The following SLC10A7 variants were observed in gnomAD, a reference collection of about 807,000 sequenced individuals.
SLC10A7 encodes solute carrier family 10 member 7.
SLC10A7 carries 29 observed loss-of-function variants against 43.2 expected under a neutral mutation model. The ratio of observed to expected loss-of-function variants is 0.67; its 90% confidence interval spans 0.50 to 0.92. The LOEUF is 0.92. SLC10A7 is among the 40% of genes least tolerant of loss of function. The pLI is 0.00. For synonymous variants in SLC10A7, 152 were observed against 144.8 expected (o/e 1.05, Z -0.35); for missense variants, 295 against 403.2 (o/e 0.73, Z 2.30).
chr4:146,365,716 A>G (rs1736343102), intron 5 of SLC10A7, among the ~76,000 whole-genome samples: 1 of 152,234 alleles, frequency 6.6e-6, no homozygotes, highest in South Asian at 2.1e-4. Flanking sequence ...GCAATGTAGT[A>G]GGTACTCAAA....
intron 2 of SLC10A7, among the ~76,000 whole-genome samples, chr4:146,512,465 G>A (rs1182741910): frequency 2.0e-5 from 3 of 152,048 alleles, no homozygotes; most frequent in African/African-American, 4.8e-5. Flanking sequence ...TTATCTATTC[G>A]AGCAAAATCT....
At position 146,521,742 on chromosome 4, in the gene SLC10A7, T is replaced by G; in HGVS notation, c.-25A>C. The stretch of plus-strand genomic sequence containing the variant: ...TATTTGTTAGGGTGGGTGGGTTTTG[T>G]TTATTTGTTTGGCTTTTTTTCTTTT... On this transcript the variant is annotated 5_prime_UTR_variant, in exon 1 of 12. Transcript: ENST00000335472. 4 of 1,595,550 alleles carry G rather than the reference T, an allele frequency of 2.5e-6. No individual in the cohort carries two copies. Among genetic ancestry groups the G allele is most frequent in the Non-Finnish European group, 3.4e-6 (4 of 1,163,960 alleles).
At chr4:146,510,157 T>A in intron 2 of SLC10A7, 108 bp from the exon 3 acceptor site, 1 of 1,039,582 alleles carries the variant, frequency 9.6e-7, no homozygotes, top group South Asian at 2.2e-5. Flanking sequence ...TTGGGTTTTT[T>A]CATAGCTAAA....
At chr4:146,277,032 C>T (rs1450242195) in intron 10 of SLC10A7, among the ~76,000 whole-genome samples, 3 of 152,104 alleles carry the variant, frequency 2.0e-5, no homozygotes, top group Non-Finnish European at 2.9e-5. Context: ...GTAAAACCTT[C>T]TCGCTAAGCA....
intron 5 of SLC10A7, among the ~76,000 whole-genome samples, chr4:146,354,311 A>T (rs1389534839): frequency 6.6e-6 from 1 of 152,150 alleles, no homozygotes; most frequent in Non-Finnish European, 1.5e-5. Flanking sequence ...GAATAAAATA[A>T]CTAGGAATCC....
At position 146,350,704 on chromosome 4, in the gene SLC10A7, C is replaced by T. The variant is rs1192654223; in HGVS notation, c.436-24708G>A. 3.5e-3 allele frequency among the ~76,000 whole-genome samples: 283 copies of T among 79,964 alleles called. 71 individuals are homozygous for T. The highest frequency in any genetic ancestry group is 5.1e-3 in the Non-Finnish European group (226 of 44,662). 52.5% of individuals were successfully genotyped at this position (79,964 alleles called of 152,430 possible). ...AGATCTGAGAACTGGCAGACTGCCT[C>T]CTCAAGTGGTTCCCTGACCCCTGAC... is the stretch of plus-strand genomic sequence containing the variant. On this transcript the variant is annotated intron_variant, in intron 5 of 11. Coordinates refer to ENST00000335472, the MANE Select transcript of SLC10A7 (RefSeq NM_001029998.6).
At chr4:146,452,995 T>C (rs905849905) in intron 4 of SLC10A7, among the ~76,000 whole-genome samples, 2 of 149,820 alleles carry the variant, frequency 1.3e-5, no homozygotes, top group Non-Finnish European at 3.0e-5. Flanking sequence ...GTATACTATA[T>C]ACAGATATAG....
intron 5 of SLC10A7, among the ~76,000 whole-genome samples, chr4:146,409,970 G>A (rs1018342416): frequency 6.6e-6 from 1 of 152,178 alleles, no homozygotes; most frequent in African/African-American, 2.4e-5. Context: ...CAATGGGAAG[G>A]AGACACACAT....
chr4:146,515,109 C>G, intron 2 of SLC10A7: 1 of 702,158 alleles, frequency 1.4e-6, no homozygotes, highest in Non-Finnish European at 2.6e-6. Context: ...ACTCCTGCAT[C>G]CCACAAAGTT....
At chr4:146,352,904 T>C (rs1387711839) in intron 5 of SLC10A7, among the ~76,000 whole-genome samples, 1 of 142,040 alleles carries the variant, frequency 7.0e-6, no homozygotes, top group Non-Finnish European at 1.5e-5. Context: ...GAGGGAAATT[T>C]ATAGCACTAA....
At chr4:146,458,429 G>A (rs915339460) in intron 4 of SLC10A7, among the ~76,000 whole-genome samples, 9 of 151,582 alleles carry the variant, frequency 5.9e-5, no homozygotes, top group Non-Finnish European at 1.2e-4. Flanking sequence ...TTATTACTAC[G>A]TCTATCCAAT....
intron 5 of SLC10A7, among the ~76,000 whole-genome samples, chr4:146,332,886 T>A (rs560914941): frequency 1.3e-5 from 2 of 152,170 alleles, no homozygotes. Flanking sequence ...TTTCTGGATA[T>A]GTAAAGATAT....
rs189019355 is a variant in SLC10A7 at position 146,431,694 on chromosome 4, T to C, written c.435+11089A>G. 4.1e-3 allele frequency among the ~76,000 whole-genome samples: 629 copies of C among 151,876 alleles called. 3 individuals are homozygous for C. The highest frequency in any genetic ancestry group is 0.014 in the African/African-American group (567 of 41,444). ...ATGTAAAAACAAAAACTAAAACTTATAGAAGAAAACATAGGAGAAAAATAT... is the reference window on the plus strand; with the variant it reads ...ATGTAAAAACAAAAACTAAAACTTACAGAAGAAAACATAGGAGAAAAATAT... On this transcript the variant is annotated intron_variant, in intron 5 of 11. Transcript: ENST00000335472.
intron 4 of SLC10A7, among the ~76,000 whole-genome samples, chr4:146,482,155 G>A (rs1268548703): frequency 6.6e-6 from 1 of 152,166 alleles, no homozygotes; most frequent in Non-Finnish European, 1.5e-5. Context: ...TTTGGAAGAG[G>A]TGATCGTACC....
chr4:146,482,888 T>G lies in SLC10A7; in HGVS notation c.396+20961A>C, dbSNP rs368806450. 9.9e-5 allele frequency among the ~76,000 whole-genome samples: 15 copies of G among 152,182 alleles called. No homozygotes were observed. The South Asian group carries it at 2.9e-3, about 30-fold the overall frequency. ...AAAGGAGTCTCCATTTGACTACCAG[T>G]GGATTTCTCAGGAAAAATCTTATAG... On this transcript the variant is annotated intron_variant, in intron 4 of 11. Transcript: ENST00000335472.
chr4:146,435,357 CT>C (rs1420951417), intron 5 of SLC10A7, among the ~76,000 whole-genome samples: 1 of 152,182 alleles, frequency 6.6e-6, no homozygotes, highest in Admixed American at 6.5e-5. Flanking sequence ...CCTCCTGCTT[CT>C]CTCCACATGG....
At chr4:146,517,493 AT>A (rs1052292879) in intron 1 of SLC10A7, among the ~76,000 whole-genome samples, 1 of 152,080 alleles carries the variant, frequency 6.6e-6, no homozygotes, top group African/African-American at 2.4e-5. Flanking sequence ...AATAACAACA[AT>A]AATAATCTAC....
At chr4:146,417,041 T>G (rs974649277) in intron 5 of SLC10A7, among the ~76,000 whole-genome samples, 4 of 152,248 alleles carry the variant, frequency 2.6e-5, no homozygotes, top group African/African-American at 9.6e-5. Flanking sequence ...CTCCATAAGA[T>G]ATATATATAA....
intron 7 of SLC10A7, among the ~76,000 whole-genome samples, chr4:146,296,053 G>T (rs1409769835): frequency 6.6e-6 from 1 of 152,110 alleles, no homozygotes; most frequent in South Asian, 2.1e-4. Flanking sequence ...AAGCAATACA[G>T]ATGTCCCTTG....
Sources: allele counts gnomAD v4.1 joint callset (sites outside exome capture counted in the v4.1 genomes callset), GRCh38; gene constraint gnomAD v4.1.1; transcripts MANE v1.5; gene names NCBI Gene and HGNC (gene_info 2026-07-23, HGNC 2026-07-21).